The following BCAR3 variants were observed in gnomAD, a reference collection of about 807,000 sequenced individuals.
The protein encoded by BCAR3 is breast cancer anti-estrogen resistance protein 3.
BCAR3 carries 37 observed loss-of-function variants against 80.1 expected under a neutral mutation model. The ratio of observed to expected loss-of-function variants is 0.46; its 90% CI spans 0.36 to 0.61. The LOEUF is 0.61. Among genes scored for constraint, BCAR3 ranks in the 20% least tolerant of loss-of-function variants. The probability of loss-of-function intolerance (pLI) is 0.00; values close to 1 mark genes in which losing one functional copy is unlikely to be tolerated. For synonymous variants in BCAR3, 389 were observed against 418.9 expected (o/e 0.93, Z 0.87); for missense variants, 978 against 1,068.2 (o/e 0.92, Z 1.18).
At chr1:93,616,473 A>G (rs1675131819) in intron 3 of BCAR3, among the ~76,000 whole-genome samples, 1 of 152,188 alleles carries the variant, frequency 6.6e-6, no homozygotes, top group African/African-American at 2.4e-5. Context: ...CATTCTCCCC[A>G]CAATGATTAT....
intron 2 of BCAR3, among the ~76,000 whole-genome samples, chr1:93,804,546 G>A (rs1371870174): frequency 6.6e-6 from 1 of 152,194 alleles, no homozygotes; most frequent in Admixed American, 6.5e-5. Context: ...GTGACTAACA[G>A]ACAGGCAGTG....
At chr1:93,807,224 A>G (rs1484668401) in intron 2 of BCAR3, among the ~76,000 whole-genome samples, 2 of 152,254 alleles carry the variant, frequency 1.3e-5, no homozygotes, top group Admixed American at 1.3e-4. Flanking sequence ...CACTGAAAAT[A>G]AACTGAAAAA....
At chr1:93,573,615 A>ATTTGTTTTTTTTTT (rs919862286) in intron 8 of BCAR3, among the ~76,000 whole-genome samples, 1 of 129,796 alleles carries the variant, frequency 7.7e-6, no homozygotes, top group Admixed American at 7.6e-5. Flanking sequence ...TATTTTTATT[A>ATTTGTTTTTTTTTT]TTATTATTAT....
In BCAR3 at chr1:93,592,084, C is replaced by T. The variant is rs1460524110; in HGVS notation, c.486+181G>A. On this transcript the variant is annotated intron_variant, in intron 4 of 11. Transcript: ENST00000260502. The surrounding 1 kb of genome is among the most constrained non-coding windows in gnomAD (Gnocchi z 4.8). ...GTGGATGTGTGCTTTGGGTTCTTGA[C>T]CTCAGCTCTTCCCAAGGTCTTCTTA... The T allele has an allele frequency of 1.2e-6, 1 of 837,576 alleles. No homozygotes were observed. Among genetic ancestry groups the T allele is most frequent in the Non-Finnish European group, 1.8e-6 (1 of 566,196 alleles). The allele number at this position is 837,576 out of a possible 1,614,324, so 51.9% of individuals were successfully genotyped here.
At chr1:93,655,436 T>C (rs964584901) in intron 2 of BCAR3, among the ~76,000 whole-genome samples, 1 of 152,054 alleles carries the variant, frequency 6.6e-6, no homozygotes, top group Non-Finnish European at 1.5e-5. Context: ...CAAGAATAGA[T>C]AGCTCTTGAT....
intron 2 of BCAR3, among the ~76,000 whole-genome samples, chr1:93,714,107 C>A (rs528788496): frequency 1.3e-5 from 2 of 152,050 alleles, no homozygotes; most frequent in East Asian, 1.9e-4. Context: ...CTCAGCCTCC[C>A]GAGTAGCTGG....
At chr1:93,737,821 A>G (rs1306780292) in intron 2 of BCAR3, among the ~76,000 whole-genome samples, 6 of 152,160 alleles carry the variant, frequency 3.9e-5, no homozygotes, top group African/African-American at 1.4e-4. Flanking sequence ...CTGTGCAACA[A>G]TAAAGCATGG....
chr1:93,643,165 T>G (rs1256104948), intron 2 of BCAR3, among the ~76,000 whole-genome samples: 1 of 147,900 alleles, frequency 6.8e-6, no homozygotes, highest in Admixed American at 6.8e-5. Flanking sequence ...AGGCAGAGGT[T>G]GCGGCGAGCC....
intron 3 of BCAR3, among the ~76,000 whole-genome samples, chr1:93,620,666 T>G (rs903927623): frequency 2.6e-5 from 4 of 152,164 alleles, no homozygotes; most frequent in Admixed American, 6.5e-5. Flanking sequence ...CCTCCTGCCC[T>G]GGCCCTGCAA....
At chr1:93,656,498 T>C (rs1241500206) in intron 2 of BCAR3, among the ~76,000 whole-genome samples, 1 of 152,092 alleles carries the variant, frequency 6.6e-6, no homozygotes, top group Non-Finnish European at 1.5e-5. Context: ...AGTAGGTTCT[T>C]TTTATATTTT....
chr1:93,815,048 T>C lies in BCAR3; in HGVS notation c.-63+30519A>G, dbSNP rs141925253. Among the ~76,000 whole-genome samples, 21 of 152,328 alleles carry C rather than the reference T, an allele frequency of 1.4e-4. 1 individual carries two copies. In the East Asian group the frequency reaches 3.1e-3, roughly 22 times the overall value. On this transcript the variant is annotated intron_variant, in intron 2 of 13. Transcript: ENST00000370244. ...CACCAGGCACTGCGTTAGGGCTATA[T>C]GGAGAGCACAATATACAACTTGCCC...
chr1:93,663,140 T>C (rs1647742429), intron 2 of BCAR3, among the ~76,000 whole-genome samples: 1 of 152,190 alleles, frequency 6.6e-6, no homozygotes, highest in Non-Finnish European at 1.5e-5. Flanking sequence ...AGTCATTTCT[T>C]GATGGAAAAA....
chr1:93,717,213 C>A (rs758522006), intron 2 of BCAR3, among the ~76,000 whole-genome samples: 2 of 152,198 alleles, frequency 1.3e-5, no homozygotes, highest in Non-Finnish European at 2.9e-5. Flanking sequence ...CCCAGATCAA[C>A]CAGTCCCCAG....
At chr1:93,685,026 G>A (rs75710095), upstream of BCAR3, among the ~76,000 whole-genome samples, 2,304 of 152,240 alleles carry the variant, frequency 0.015, 62 homozygotes, top group African/African-American at 0.051. Context: ...CACTGTGCCC[G>A]ACCTGAATCA....
At chr1:93,750,320 C>T (rs1651514232) in intron 2 of BCAR3, among the ~76,000 whole-genome samples, 1 of 152,206 alleles carries the variant, frequency 6.6e-6, no homozygotes, top group African/African-American at 2.4e-5. Flanking sequence ...GAAGTGGCAG[C>T]CTTTCCGAGG....
intron 2 of BCAR3, among the ~76,000 whole-genome samples, chr1:93,837,093 C>T (rs1176137344): frequency 6.6e-6 from 1 of 152,138 alleles, no homozygotes; most frequent in East Asian, 1.9e-4. Flanking sequence ...ACGACAGCAT[C>T]AGTAATCCCA....
chr1:93,696,312 C>T (rs1475565831), intron 3 of BCAR3, among the ~76,000 whole-genome samples: 3 of 152,176 alleles, frequency 2.0e-5, no homozygotes, highest in Non-Finnish European at 4.4e-5. Flanking sequence ...TGAATTCCCA[C>T]ATATTAGGAT....
chr1:93,774,398 C>T (rs1571117366), intron 2 of BCAR3, among the ~76,000 whole-genome samples: 1 of 151,198 alleles, frequency 6.6e-6, no homozygotes, highest in African/African-American at 2.4e-5. Flanking sequence ...GCAGGAGAAT[C>T]GCTTGAACCC....
At chr1:93,810,288 G>A (rs540728793) in intron 2 of BCAR3, among the ~76,000 whole-genome samples, 234 of 151,366 alleles carry the variant, frequency 1.5e-3, no homozygotes, top group African/African-American at 5.3e-3. Context: ...ATAAATATAC[G>A]CATCTTCCAT....
Sources: gnomAD v4.1 joint callset for allele counts (sites outside exome capture counted in the v4.1 genomes callset) on GRCh38, gnomAD v4.1.1 for gene constraint, Gnocchi (gnomAD v3.1) non-coding constraint, MANE v1.5 for transcripts, NCBI Gene and HGNC (gene_info 2026-07-23, HGNC 2026-07-21) for gene names.